Variants in P4HTM observed in about 807,000 individuals in gnomAD.
P4HTM encodes prolyl 4-hydroxylase, transmembrane.
Under a neutral mutation model 55.3 loss-of-function variants are expected in P4HTM, and 33 were observed. The ratio of observed to expected loss-of-function variants is 0.60; its 90% confidence interval spans 0.45 to 0.80. The LOEUF is 0.80. Ranked by LOEUF, P4HTM falls within the 30% of genes least tolerant of loss-of-function variation. The probability of loss-of-function intolerance (pLI) is 0.00; values close to 1 mark genes in which losing one functional copy is unlikely to be tolerated. For missense variants in P4HTM, 542 were observed against 696.5 expected (o/e 0.78, Z 2.50); for synonymous variants, 272 against 286.4 (o/e 0.95, Z 0.51).
rs188229631 is a variant in P4HTM at position 48,990,480 on chromosome 3, T to A, written c.224T>A (p.Val75Glu). 1 of 1,611,308 alleles carries A rather than the reference T, an allele frequency of 6.2e-7. No homozygotes were observed. Among genetic ancestry groups the A allele is most frequent in the Admixed American group, 1.7e-5 (1 of 59,962 alleles). The change falls in exon 1 of 9, where the codon GTG becomes GAG. Residue 75 changes from valine to glutamate, a missense_variant. Around this residue, in one of 2 missense-constraint regions of P4HTM, gnomAD observed 536 missense variants for 672.1 expected, o/e 0.80. Coordinates refer to ENST00000383729, the MANE Select transcript of P4HTM (RefSeq NM_177939.3). The surrounding 1 kb of genome is among the most constrained non-coding windows in gnomAD (Gnocchi z 7.2). ...MVFVHLYLGNVLALLLFVHYS... is the reference protein window; with the variant it reads ...MVFVHLYLGNELALLLFVHYS... Reference sequence around the variant, plus strand: ...TTCGTGCACCTGTACCTGGGTAACGTGCTGGCGCTGCTGCTCTTCGTGCAC... The same window carrying A: ...TTCGTGCACCTGTACCTGGGTAACGAGCTGGCGCTGCTGCTCTTCGTGCAC...
Position 48,990,716 on chromosome 3 carries a change from C to G in P4HTM, c.354+106C>G, listed in dbSNP as rs978151447. 1 of 1,464,304 alleles carries G rather than the reference C, an allele frequency of 6.8e-7. No homozygotes were observed. The highest frequency in any genetic ancestry group is 1.4e-5 in the African/African-American group (1 of 71,288). 90.7% of individuals were successfully genotyped at this position (1,464,304 alleles called of 1,614,324 possible). A position where few individuals can be genotyped will look rare whatever the true frequency, so the allele number is the denominator to read the frequency against. On this transcript the variant is annotated intron_variant, in intron 1 of 8. Coordinates refer to ENST00000383729, the MANE Select transcript of P4HTM (RefSeq NM_177939.3). This position sits in a 1 kb window ranked among gnomAD's most constrained non-coding sequence, Gnocchi z 7.2. ...CGCTGCCCCCGGCGCTGCTCTGCGTCGGTCCCGCGCGCTCCCACTCACTCG... is the reference window on the plus strand; with the variant it reads ...CGCTGCCCCCGGCGCTGCTCTGCGTGGGTCCCGCGCGCTCCCACTCACTCG...
chr3:49,006,971 G>C lies in P4HTM; in HGVS notation c.*64G>C. 1 of 1,301,896 alleles carries C rather than the reference G, an allele frequency of 7.7e-7. No homozygotes were observed. The highest frequency in any genetic ancestry group is 2.5e-5 in the East Asian group (1 of 39,976). 80.6% of individuals were successfully genotyped at this position (1,301,896 alleles called of 1,614,324 possible). On this transcript the variant is annotated 3_prime_UTR_variant, in exon 9 of 9. Coordinates refer to ENST00000383729, the MANE Select transcript of P4HTM (RefSeq NM_177939.3). ...GTTGCCCAAGATCAGGGGTCCGGCT[G>C]TCCTTCTGTCCTGCTGCAGACTAAA... is the stretch of plus-strand genomic sequence containing the variant.
chr3:49,002,765 G>A lies in P4HTM; in HGVS notation c.724+169G>A, dbSNP rs1559891144. ...GATCCAGCCTTGCTTTTTACCCCTG[G>A]GAAGTAGGCAGGCAGCCAGGCCCCC... On this transcript the variant is annotated intron_variant, in intron 4 of 8. Transcript: ENST00000383729. The surrounding 1 kb of genome is among the most constrained non-coding windows in gnomAD (Gnocchi z 4.4). 5.7e-6 allele frequency: 4 copies of A among 701,814 alleles called. No individual in the cohort carries two copies. The highest frequency in any genetic ancestry group is 1.0e-5 in the Non-Finnish European group (4 of 385,074). 43.5% of individuals were successfully genotyped at this position (701,814 alleles called of 1,614,324 possible). A position where few individuals can be genotyped will look rare whatever the true frequency, so the allele number is the denominator to read the frequency against.
intron 5 of P4HTM, chr3:49,004,479 G>C: frequency 3.5e-6 from 2 of 574,872 alleles, no homozygotes; most frequent in Non-Finnish European, 6.1e-6. Context: ...GGGTTAGATA[G>C]AGATTGAGCA....
At chr3:48,990,086 G>A (rs2092925824), upstream of P4HTM, 2 of 487,354 alleles carry the variant, frequency 4.1e-6, no homozygotes, top group South Asian at 9.0e-5. This position sits in a 1 kb window ranked among gnomAD's most constrained non-coding sequence, Gnocchi z 7.2. Context: ...TCAAGGCGCA[G>A]GAAGGCCGAG....
rs746700232 is a variant in P4HTM, at chr3:49,002,750, T to C, written c.724+154T>C. 1.4e-6 allele frequency: 1 copy of C among 717,396 alleles called. No individual in the cohort carries two copies. Among genetic ancestry groups the C allele is most frequent in the Non-Finnish European group, 2.5e-6 (1 of 396,330 alleles). The allele number at this position is 717,396 out of a possible 1,614,324, so 44.4% of individuals were successfully genotyped here. A position where few individuals can be genotyped will look rare whatever the true frequency, so the allele number is the denominator to read the frequency against. On this transcript the variant is annotated intron_variant, in intron 4 of 8. Coordinates refer to ENST00000383729, the MANE Select transcript of P4HTM (RefSeq NM_177939.3). This position sits in a 1 kb window ranked among gnomAD's most constrained non-coding sequence, Gnocchi z 4.4. ...AGATGGGGAGGTGAAGATCCAGCCT[T>C]GCTTTTTACCCCTGGGAAGTAGGCA...
chr3:49,002,054 G>A lies in P4HTM; in HGVS notation c.627+426G>A, dbSNP rs1490157248. On this transcript the variant is annotated intron_variant, in intron 3 of 8. Coordinates refer to ENST00000383729, the MANE Select transcript of P4HTM (RefSeq NM_177939.3). This position sits in a 1 kb window ranked among gnomAD's most constrained non-coding sequence, Gnocchi z 4.4. ...CTGAGAGAAGTCTGGCAGGGTGGTG[G>A]TGCGGGGCACTGCCCACACAGAACA... Among the ~76,000 whole-genome samples, 1 of 152,206 alleles carries A rather than the reference G, an allele frequency of 6.6e-6. No individual in the cohort carries two copies. The highest frequency in any genetic ancestry group is 1.9e-4 in the East Asian group (1 of 5,200).
chr3:49,002,404 C>G lies in P4HTM; in HGVS notation c.628-96C>G. 2 of 899,678 alleles carry G rather than the reference C, an allele frequency of 2.2e-6. No individual in the cohort carries two copies. The highest frequency in any genetic ancestry group is 3.7e-6 in the Non-Finnish European group (2 of 547,460). The allele number at this position is 899,678 out of a possible 1,614,324, so 55.7% of individuals were successfully genotyped here. ...CCTGTGTCCTCATCCATGCCCTCAC[C>G]TGAACACTTTGCTCCACAACAAGCA... On this transcript the variant is annotated intron_variant, in intron 3 of 8. Transcript: ENST00000383729. This position sits in a 1 kb window ranked among gnomAD's most constrained non-coding sequence, Gnocchi z 4.4.
At chr3:48,992,187 T>G (rs1392112156) in intron 2 of P4HTM, 1 of 152,216 alleles carries the variant, frequency 6.6e-6, no homozygotes, top group Non-Finnish European at 1.5e-5. Flanking sequence ...AAGCTGACAT[T>G]CAAATGAAGA....
Position 48,990,912 on chromosome 3 carries a change from TC to T in P4HTM, c.435del (p.Phe145LeufsTer7). The T allele has an allele frequency of 6.2e-7, 1 of 1,613,364 alleles. No homozygotes were observed. The highest frequency in any genetic ancestry group is 8.5e-7 in the Non-Finnish European group (1 of 1,179,472). On this transcript the variant is annotated frameshift_variant and splice_region_variant, in exon 2 of 9. Coordinates refer to ENST00000383729, the MANE Select transcript of P4HTM (RefSeq NM_177939.3). LOFTEE classifies it high-confidence loss of function. The surrounding 1 kb of genome is among the most constrained non-coding windows in gnomAD (Gnocchi z 7.2). Reference protein sequence around the residue: ...IRTLSLKPLLFEIPGFLTDEE... With the variant: ...IRTLSLKPLLXEIPGFLTDEE... ...ACCCTCAGCCTCAAGCCGCTGCTCT[TC>T]GGTAAGTCCGCCAGATACTCCTGGG... is the stretch of plus-strand genomic sequence containing the variant.
intron 5 of P4HTM, chr3:49,004,512 A>T (rs1246331033): frequency 1.8e-6 from 1 of 557,222 alleles, no homozygotes; most frequent in Non-Finnish European, 3.2e-6. Context: ...TAGATAAATG[A>T]CCTCTTATCT....
At chr3:48,995,641 G>A (rs940767580) in intron 2 of P4HTM, among the ~76,000 whole-genome samples, 1 of 151,954 alleles carries the variant, frequency 6.6e-6, no homozygotes, top group Non-Finnish European at 1.5e-5. Context: ...GGAGTGCAGT[G>A]GTGTGATCTC....
chr3:48,990,469 C>T lies in P4HTM; in HGVS notation c.213C>T (p.Tyr71=). 1 of 1,611,284 alleles carries T rather than the reference C, an allele frequency of 6.2e-7. No homozygotes were observed. Among genetic ancestry groups the T allele is most frequent in the Non-Finnish European group, 8.5e-7 (1 of 1,179,420 alleles). ...TGCTGATGGTGTTCGTGCACCTGTA[C>T]CTGGGTAACGTGCTGGCGCTGCTGC... The part of the protein sequence containing the change: ...FLVLMVFVHL[Y]LGNVLALLLF... The change falls in exon 1 of 9, where the codon TAC becomes TAT. Residue 71 remains tyrosine (Y), a synonymous_variant. Transcript: ENST00000383729. This position sits in a 1 kb window ranked among gnomAD's most constrained non-coding sequence, Gnocchi z 7.2.
At chr3:49,006,248 C>T (rs927926797) in intron 8 of P4HTM, 61 bp downstream of exon 8, 4 of 1,553,968 alleles carry the variant, frequency 2.6e-6, no homozygotes, top group Admixed American at 3.6e-5. Context: ...TTTACCCAGC[C>T]CCCGTCTGCC....
chr3:49,006,933 C>CCG lies in P4HTM; in HGVS notation c.*29_*30dup. On this transcript the variant is annotated 3_prime_UTR_variant, in exon 9 of 9. Transcript: ENST00000383729. ...GGGAAGAGTTAGCCCCGGTTCCCAG[C>CCG]CGCGGGTCGCCAGTTGCCCAAGATC... 3.8e-6 allele frequency: 6 copies of CCG among 1,578,036 alleles called. No homozygotes were observed. The highest frequency in any genetic ancestry group is 5.2e-6 in the Non-Finnish European group (6 of 1,157,308).
In P4HTM at chr3:49,002,494, C is replaced by G. The variant is rs1361980560; in HGVS notation, c.628-6C>G. ...TCACCCACTGAGGGACCCTCTTATG[C>G]TTTAGGTTCTGGCCCAGACTCGCCT... On this transcript the variant is annotated splice_polypyrimidine_tract_variant and splice_region_variant and intron_variant, in intron 3 of 8. Coordinates refer to ENST00000383729, the MANE Select transcript of P4HTM (RefSeq NM_177939.3). This position sits in a 1 kb window ranked among gnomAD's most constrained non-coding sequence, Gnocchi z 4.4. 2 of 1,610,758 alleles carry G rather than the reference C, an allele frequency of 1.2e-6. No homozygotes were observed. The highest frequency in any genetic ancestry group is 1.7e-6 in the Non-Finnish European group (2 of 1,176,996).
At position 48,990,653 on chromosome 3, in the gene P4HTM, C is replaced by T. The variant is rs1221430444; in HGVS notation, c.354+43C>T. On this transcript the variant is annotated intron_variant, in intron 1 of 8. Transcript: ENST00000383729. The surrounding 1 kb of genome is among the most constrained non-coding windows in gnomAD (Gnocchi z 7.2). ...CCGCCGCGCTCCAGGCCCTGCACGG[C>T]TGAGCCCGAGAGGACCGGCGCTCAG... The T allele has an allele frequency of 6.7e-7, 1 of 1,500,164 alleles. No individual in the cohort carries two copies. Among genetic ancestry groups the T allele is most frequent in the Non-Finnish European group, 8.9e-7 (1 of 1,123,704 alleles). 92.9% of individuals were successfully genotyped at this position (1,500,164 alleles called of 1,614,324 possible).
At chr3:49,005,199 AGTT>A (rs752700971) in intron 6 of P4HTM, 153 bp downstream of exon 6, 1 of 1,575,346 alleles carries the variant, frequency 6.3e-7, no homozygotes, top group Non-Finnish European at 8.6e-7. Flanking sequence ...TCTCCCCACA[AGTT>A]GTTTACCCAA....
chr3:48,990,562 C>A lies in P4HTM; in HGVS notation c.306C>A (p.Pro102=). Residue 102 remains proline (P), a synonymous_variant, in exon 1 of 9, where the codon CCC becomes CCA. Transcript: ENST00000383729. This position sits in a 1 kb window ranked among gnomAD's most constrained non-coding sequence, Gnocchi z 7.2. ...DPGPQHRAQG[P]GPEPTLGPLT... is the part of the protein sequence containing the mutation. ...GGCCCCAACACCGTGCCCAGGGCCC[C>A]GGGCCCGAGCCCACCTTAGGTCCCC... The A allele has an allele frequency of 6.2e-7, 1 of 1,608,312 alleles. No homozygotes were observed. Among genetic ancestry groups the A allele is most frequent in the Non-Finnish European group, 8.5e-7 (1 of 1,178,238 alleles).
Sources: gnomAD v4.1 joint callset for allele counts (sites outside exome capture counted in the v4.1 genomes callset) on GRCh38, gnomAD v4.1.1 for gene constraint, gnomAD v4.1.1 regional missense constraint, Gnocchi (gnomAD v3.1) non-coding constraint, MANE v1.5 for transcripts, NCBI Gene and HGNC (gene_info 2026-07-23, HGNC 2026-07-21) for gene names.